HYDIN: variants seen among roughly 807,000 people sequenced by gnomAD.
HYDIN encodes the protein axonemal central pair apparatus protein HYDIN.
Under a neutral mutation model 403.9 loss-of-function variants are expected in HYDIN, and 132 were observed. The ratio of observed to expected loss-of-function variants is 0.33; its 90% CI spans 0.28 to 0.38. HYDIN has a LOEUF of 0.38. HYDIN is among the 10% of genes least tolerant of loss of function. The pLI is 1.00. For synonymous variants in HYDIN, 1,202 were observed against 1,891.7 expected (o/e 0.64, Z 9.46); for missense variants, 2,827 against 5,009.5 (o/e 0.56, Z 13.15).
At chr16:70,934,189 AG>A (rs2077433084) in intron 45 of HYDIN, among the ~76,000 whole-genome samples, 1 of 152,022 alleles carries the variant, frequency 6.6e-6, no homozygotes, top group African/African-American at 2.4e-5. Flanking sequence ...CTTGGATTCG[AG>A]GGAGTGGTGG....
intron 1 of HYDIN, among the ~76,000 whole-genome samples, chr16:71,223,322 C>G (rs889460558): frequency 6.6e-6 from 1 of 152,140 alleles, no homozygotes; most frequent in Non-Finnish European, 1.5e-5. Flanking sequence ...AAAACATTAA[C>G]TCCCAATGGA....
In HYDIN at chr16:71,067,345, C is replaced by G. The variant is rs778990675; in HGVS notation, c.2020G>C (p.Val674Leu). Residue 674 changes from valine (V) to leucine (L), a missense_variant, in exon 15 of 86, where the codon GTG (valine) becomes CTG (leucine). By Grantham distance (32) the Val-to-Leu change is conservative. Coordinates refer to ENST00000393567, the MANE Select transcript of HYDIN (RefSeq NM_001270974.2). ...TCTCCGATGCCCTCCACGTCCACCA[C>G]GAGTGCCAGCTCGTATTTCTGCACA... ...NTVQKYELALVVDVEGIGEEV... is the reference protein window; with the variant it reads ...NTVQKYELALLVDVEGIGEEV... 39 of 1,613,210 alleles carry G rather than the reference C, an allele frequency of 2.4e-5. No homozygotes were observed. The highest frequency in any genetic ancestry group is 1.7e-6 in the Non-Finnish European group (2 of 1,179,710).
intron 22 of HYDIN, among the ~76,000 whole-genome samples, chr16:71,019,523 G>A (rs2080394528): frequency 6.6e-6 from 1 of 152,254 alleles, no homozygotes; most frequent in South Asian, 2.1e-4. Flanking sequence ...CAAGGGGCTG[G>A]GCATAAGTTA....
At chr16:70,989,860 G>T (rs1468704167) in intron 25 of HYDIN, among the ~76,000 whole-genome samples, 1 of 152,104 alleles carries the variant, frequency 6.6e-6, no homozygotes, top group African/African-American at 2.4e-5. Context: ...CTGAGGATAT[G>T]ACGATGAACA....
chr16:70,920,545 C>T, intron 46 of HYDIN, 46 bp downstream of exon 46: 1 of 1,489,614 alleles, frequency 6.7e-7, no homozygotes, highest in Non-Finnish European at 9.2e-7. Flanking sequence ...AGCACAGCGC[C>T]TGCTGCCTGA....
chr16:71,175,511 A>C, intron 5 of HYDIN, 96 bp downstream of exon 5: 1 of 1,230,238 alleles, frequency 8.1e-7, no homozygotes, highest in Non-Finnish European at 1.2e-6. Flanking sequence ...CACCACCACC[A>C]CCACCACCAC....
intron 76 of HYDIN, among the ~76,000 whole-genome samples, chr16:70,839,670 A>G (rs865787373): frequency 5.8e-4 from 89 of 152,310 alleles, no homozygotes; most frequent in Non-Finnish European, 2.5e-4. Flanking sequence ...TGGTGCCGAG[A>G]GGCTGGATTT....
chr16:71,178,856 A>C (rs758835715), intron 4 of HYDIN, 72 bp downstream of exon 4: 13 of 1,274,824 alleles, frequency 1.0e-5, no homozygotes, highest in Non-Finnish European at 1.3e-5. Flanking sequence ...AAGATCCCTC[A>C]AGATCTCATT....
chr16:71,115,578 T>G (rs1421665427), intron 10 of HYDIN, 118 bp downstream of exon 10: 17 of 635,492 alleles, frequency 2.7e-5, no homozygotes, highest in Non-Finnish European at 4.9e-5. Flanking sequence ...ATCAATATCA[T>G]GTACCGCCCA....
At chr16:71,001,700 G>A (rs1420671103) in intron 23 of HYDIN, among the ~76,000 whole-genome samples, 1 of 150,594 alleles carries the variant, frequency 6.6e-6, no homozygotes, top group Non-Finnish European at 1.5e-5. Flanking sequence ...GAAAGCAACA[G>A]CTCAAAGAAA....
chr16:70,828,746 T>C (rs1029549839), intron 81 of HYDIN, among the ~76,000 whole-genome samples: 1 of 152,130 alleles, frequency 6.6e-6, no homozygotes, highest in Non-Finnish European at 1.5e-5. Flanking sequence ...GTAAAACAAA[T>C]TGTGGAATTC....
chr16:71,206,592 G>T (rs2088312581), intron 1 of HYDIN, among the ~76,000 whole-genome samples: 1 of 152,168 alleles, frequency 6.6e-6, no homozygotes, highest in African/African-American at 2.4e-5. Context: ...TGAAATGACA[G>T]AAATAGAATT....
intron 58 of HYDIN, among the ~76,000 whole-genome samples, chr16:70,886,509 GTT>G (rs1182031843): frequency 1.3e-5 from 2 of 151,744 alleles, no homozygotes; most frequent in African/African-American, 2.4e-5. Flanking sequence ...TGCTTACCAT[GTT>G]TTTTTCTTCC....
At chr16:71,109,654 G>A (rs1456125441) in intron 10 of HYDIN, among the ~76,000 whole-genome samples, 1 of 135,948 alleles carries the variant, frequency 7.4e-6, no homozygotes, top group Non-Finnish European at 1.5e-5. Context: ...TCCCTGGCAA[G>A]CATATCTTTT....
intron 1 of HYDIN, among the ~76,000 whole-genome samples, chr16:71,206,840 G>A (rs1034932180): frequency 1.5e-4 from 23 of 152,260 alleles, no homozygotes; most frequent in African/African-American, 4.8e-4. Context: ...CTTGAAGACC[G>A]ACTTTCTGAA....
At chr16:71,070,715 A>G (rs1405627556) in intron 13 of HYDIN, among the ~76,000 whole-genome samples, 3 of 131,638 alleles carry the variant, frequency 2.3e-5, no homozygotes, top group Non-Finnish European at 1.5e-5. Context: ...GACACAGGAG[A>G]ACAAAAATGC....
chr16:71,133,415 T>C, intron 8 of HYDIN: 1 of 372,374 alleles, frequency 2.7e-6, no homozygotes, highest in South Asian at 2.1e-5. Flanking sequence ...GTATAAACCC[T>C]AGGGAAGGAA....
At chr16:70,971,304 TG>T (rs1353820132) in intron 35 of HYDIN, among the ~76,000 whole-genome samples, 1 of 152,276 alleles carries the variant, frequency 6.6e-6, no homozygotes, top group Non-Finnish European at 1.5e-5. Context: ...TCCCAGAGTT[TG>T]GCAGAATGCC....
In HYDIN at chr16:70,826,734, TC is replaced by T. The variant is rs2036618723; in HGVS notation, c.14427+526del. Among the ~76,000 whole-genome samples the T allele has an allele frequency of 4.1e-5, 6 of 147,724 alleles. No individual in the cohort carries two copies. In the South Asian group the frequency reaches 1.2e-3, roughly 31 times the overall value. On this transcript the variant is annotated intron_variant, in intron 83 of 85. Coordinates refer to ENST00000393567, the MANE Select transcript of HYDIN (RefSeq NM_001270974.2). ...CTCTCTCTCTCTCTCTCTCTCTCTC[TC>T]TCTCTCTCTCTGTGTGTGTGTTCCT...
Sources: gnomAD v4.1 joint callset for allele counts (sites outside exome capture counted in the v4.1 genomes callset) on GRCh38, gnomAD v4.1.1 for gene constraint, MANE v1.5 for transcripts, NCBI Gene and HGNC (gene_info 2026-07-23, HGNC 2026-07-21) for gene names.